The following SAFB2 variants were observed in gnomAD, a reference collection of about 807,000 sequenced individuals.
SAFB2 encodes the protein scaffold attachment factor B2.
In SAFB2, 32 loss-of-function variants were observed where a neutral mutation model predicts 100.6. The observed-to-expected ratio is 0.32, with a 90% CI of 0.24 to 0.43. SAFB2 has a LOEUF of 0.43. Among genes scored for constraint, SAFB2 ranks in the 20% least tolerant of loss-of-function variants. The probability of loss-of-function intolerance (pLI) is 1.00; values close to 1 mark genes in which losing one functional copy is unlikely to be tolerated. For missense variants in SAFB2, 1,185 were observed against 1,163.4 expected, an observed-to-expected ratio of 1.02 and a Z score of -0.27; for synonymous variants, 500 against 439.4, an observed-to-expected ratio of 1.14 and a Z score of -1.72.
intron 13 of SAFB2, among the ~76,000 whole-genome samples, chr19:5,596,100 T>C (rs1659113572): frequency 1.3e-5 from 2 of 152,102 alleles, no homozygotes; most frequent in South Asian, 4.1e-4. Flanking sequence ...CCGTCTCAAC[T>C]AAAAATACAA....
chr19:5,604,932 A>G lies in SAFB2; in HGVS notation c.1301T>C (p.Val434Ala). ...KNLFSKYGKV[V>A]GAKVVTNARS... ...GGCGTTCGTTACCACTTTGGCCCCG[A>G]CAACCTTCATGAAAAAGGGCACTCT... is the stretch of plus-strand genomic sequence containing the variant. Residue 434 changes from valine (V) to alanine (A), a missense_variant, in exon 10 of 21, where the codon GTC (valine) becomes GCC (alanine). Val to Ala is a moderately conservative substitution (Grantham distance 64). This residue lies in a region of SAFB2 where 94 missense variants were observed against 135.1 expected (regional missense o/e 0.70). Transcript: ENST00000252542. 6.2e-7 allele frequency: 1 copy of G among 1,612,468 alleles called. No individual in the cohort carries two copies. Among genetic ancestry groups the G allele is most frequent in the East Asian group, 2.2e-5 (1 of 44,876 alleles).
At position 5,592,735 on chromosome 19, in the gene SAFB2, A is replaced by G. The variant is rs1255082082; in HGVS notation, c.2348+12T>C. 12 of 1,613,702 alleles carry G rather than the reference A, an allele frequency of 7.4e-6. No individual in the cohort carries two copies. The African/African-American group carries it at 1.1e-4, about 14-fold the overall frequency. Reference sequence around the variant, plus strand: ...AATGACTGTAGCTAAAGGAGGGGACAAGACCACTGACCTGTCGATGGCGTG... The same window carrying G: ...AATGACTGTAGCTAAAGGAGGGGACGAGACCACTGACCTGTCGATGGCGTG... On this transcript the variant is annotated intron_variant, in intron 16 of 20. Transcript: ENST00000252542.
intron 1 of SAFB2, among the ~76,000 whole-genome samples, chr19:5,621,889 G>A (rs1396092356): frequency 1.3e-5 from 2 of 152,204 alleles, no homozygotes; most frequent in Non-Finnish European, 1.5e-5. Context: ...TGTTCCAGTT[G>A]CGGAAACAGA....
intron 12 of SAFB2, 121 bp downstream of exon 12, chr19:5,600,009 C>T (rs1227484523): frequency 3.0e-6 from 3 of 987,410 alleles, no homozygotes; most frequent in African/African-American, 3.3e-5. Flanking sequence ...TTTAACACTG[C>T]CATATGAACA....
At chr19:5,609,297 A>C (rs1599263364) in intron 9 of SAFB2, among the ~76,000 whole-genome samples, 1 of 142,154 alleles carries the variant, frequency 7.0e-6, no homozygotes, top group Admixed American at 7.2e-5. Flanking sequence ...TATTCACTTC[A>C]TTCTTTTTTT....
At chr19:5,617,081 A>G (rs1045073225) in intron 2 of SAFB2, among the ~76,000 whole-genome samples, 8 of 152,050 alleles carry the variant, frequency 5.3e-5, no homozygotes, top group African/African-American at 1.5e-4. Flanking sequence ...CAAACCTAAG[A>G]AAAAAAATCA....
intron 6 of SAFB2, 86 bp downstream of exon 6, chr19:5,612,454 C>T: frequency 2.4e-6 from 3 of 1,266,608 alleles, no homozygotes; most frequent in Non-Finnish European, 2.3e-6. Flanking sequence ...TTTACAAGAT[C>T]ATAACACAGC....
chr19:5,612,355 C>T (rs1191130420), intron 6 of SAFB2, 185 bp downstream of exon 6: 4 of 626,364 alleles, frequency 6.4e-6, no homozygotes, highest in African/African-American at 1.8e-5. Flanking sequence ...CCTCAAGAAG[C>T]CAGAATGGCT....
chr19:5,587,680 TCCAC>T lies in SAFB2; in HGVS notation c.2705+17_2705+20del. 1 of 1,539,128 alleles carries T rather than the reference TCCAC, an allele frequency of 6.5e-7. No individual in the cohort carries two copies. Among genetic ancestry groups the T allele is most frequent in the South Asian group, 1.2e-5 (1 of 83,092 alleles). On this transcript the variant is annotated intron_variant, in intron 20 of 20. Coordinates refer to ENST00000252542, the MANE Select transcript of SAFB2 (RefSeq NM_014649.3). The surrounding 1 kb of genome is among the most constrained non-coding windows in gnomAD (Gnocchi z 4.9). ...GAGGAGCAGGAGTGAACCACCGTCC[TCCAC>T]GGACGACACACCTTACCCCGCCACT...
chr19:5,621,369 C>G lies in SAFB2; in HGVS notation c.214G>C (p.Asp72His). Reference sequence around the variant, plus strand: ...GCTTCTAACTCGATGCCAATTTCATCAGGATCTTGCCCCTCTTCTTTAACC... The same window carrying G: ...GCTTCTAACTCGATGCCAATTTCATGAGGATCTTGCCCCTCTTCTTTAACC... Reference protein sequence around the residue: ...KAVKEEGQDPDEIGIELEATS... With the variant: ...KAVKEEGQDPHEIGIELEATS... Residue 72 changes from aspartate to histidine, a missense_variant, in exon 2 of 21, where the codon GAT becomes CAT. Asp to His is a moderately conservative substitution (Grantham distance 81). Around this residue, in one of 3 missense-constraint regions of SAFB2, gnomAD observed 351 missense variants for 341.2 expected, o/e 1.03. Coordinates refer to ENST00000252542, the MANE Select transcript of SAFB2 (RefSeq NM_014649.3). 6.2e-7 allele frequency: 1 copy of G among 1,613,698 alleles called. No homozygotes were observed. Among genetic ancestry groups the G allele is most frequent in the Non-Finnish European group, 8.5e-7 (1 of 1,179,588 alleles).
intron 2 of SAFB2, among the ~76,000 whole-genome samples, chr19:5,616,792 C>T (rs2053043756): frequency 6.6e-6 from 1 of 151,914 alleles, no homozygotes; most frequent in Admixed American, 6.6e-5. Context: ...GCTGGGACTA[C>T]AGGCGTGCAT....
intron 9 of SAFB2, among the ~76,000 whole-genome samples, chr19:5,608,991 G>A (rs1386054997): frequency 1.4e-5 from 2 of 143,438 alleles, no homozygotes; most frequent in African/African-American, 5.2e-5. Flanking sequence ...GGCGGAGGCT[G>A]CAGTGAGCCA....
intron 9 of SAFB2, among the ~76,000 whole-genome samples, chr19:5,605,881 CAG>C (rs1406700492): frequency 6.6e-6 from 1 of 152,152 alleles, no homozygotes; most frequent in African/African-American, 2.4e-5. Context: ...GAGACCAAGA[CAG>C]AGAGAAATCA....
intron 12 of SAFB2, among the ~76,000 whole-genome samples, chr19:5,599,712 G>T (rs562686171): frequency 1.8e-3 from 281 of 152,278 alleles, no homozygotes; most frequent in Non-Finnish European, 2.8e-3. Context: ...CACTTCAACA[G>T]ATGCTTGGAG....
Position 5,594,053 on chromosome 19 carries a change from A to G in SAFB2, c.2045T>C (p.Met682Thr). The G allele has an allele frequency of 1.3e-6, 2 of 1,586,054 alleles. No homozygotes were observed. Among genetic ancestry groups the G allele is most frequent in the Non-Finnish European group, 1.7e-6 (2 of 1,171,870 alleles). ...CQRQRLERER[M>T]ERERLERERM... is the part of the protein sequence containing the mutation. ...CTCGCGCTCCAGCCGCTCCCGCTCCATGCGCTCCCGCTCCAGCCGCTGGCG... is the reference window on the plus strand; with the variant it reads ...CTCGCGCTCCAGCCGCTCCCGCTCCGTGCGCTCCCGCTCCAGCCGCTGGCG... The change falls in exon 15 of 21, where the codon ATG (methionine) becomes ACG (threonine). Residue 682 changes from methionine (M) to threonine (T), a missense_variant. By Grantham distance (81) the Met-to-Thr change is moderately conservative. Around this residue, in one of 3 missense-constraint regions of SAFB2, gnomAD observed 740 missense variants for 687.1 expected, o/e 1.08. Transcript: ENST00000252542.
intron 14 of SAFB2, among the ~76,000 whole-genome samples, chr19:5,594,986 C>T (rs946621739): frequency 6.6e-6 from 1 of 152,164 alleles, no homozygotes; most frequent in African/African-American, 2.4e-5. Flanking sequence ...GTAGCTGGGA[C>T]TACAAGTGCA....
At chr19:5,605,046 T>C (rs2052744205) in intron 9 of SAFB2, 110 bp from the exon 10 acceptor site, 4 of 1,273,216 alleles carry the variant, frequency 3.1e-6, no homozygotes, top group African/African-American at 1.5e-5. Context: ...TCTCCCCATA[T>C]GGTAGTTTTC....
At chr19:5,588,142 C>G (rs554869632) in intron 18 of SAFB2, among the ~76,000 whole-genome samples, 162 bp from the exon 19 acceptor site, 1 of 152,264 alleles carries the variant, frequency 6.6e-6, no homozygotes, top group South Asian at 2.1e-4. Flanking sequence ...TCCCCAAAGA[C>G]AGATGTGCTA....
chr19:5,600,809 C>A (rs1330980994), intron 11 of SAFB2, among the ~76,000 whole-genome samples: 1 of 152,150 alleles, frequency 6.6e-6, no homozygotes, highest in Non-Finnish European at 1.5e-5. Context: ...GTGTTATGTG[C>A]CAGTGAATAC....
Sources: gnomAD v4.1 joint callset for allele counts (sites outside exome capture counted in the v4.1 genomes callset) on GRCh38, gnomAD v4.1.1 for gene constraint, gnomAD v4.1.1 regional missense constraint, Gnocchi (gnomAD v3.1) non-coding constraint, MANE v1.5 for transcripts, NCBI Gene and HGNC (gene_info 2026-07-23, HGNC 2026-07-21) for gene names.